Variants in DENND1A observed in about 807,000 individuals in gnomAD.
The protein encoded by DENND1A is DENN domain containing 1A, also known as DENN domain-containing protein 1A.
Under a neutral mutation model 113.7 loss-of-function variants are expected in DENND1A, and 51 were observed. That is an observed-to-expected ratio of 0.45 (90% CI 0.36 to 0.57). The LOEUF is 0.57. Among genes scored for constraint, DENND1A ranks in the 20% least tolerant of loss-of-function variants. DENND1A has a pLI of 0.00. For synonymous variants in DENND1A, 565 were observed against 570.8 expected, an observed-to-expected ratio of 0.99 and a Z score of 0.14; for missense variants, 1,258 against 1,395.9, an observed-to-expected ratio of 0.90 and a Z score of 1.57.
intron 5 of DENND1A, among the ~76,000 whole-genome samples, chr9:123,695,786 A>G (rs746984340): frequency 8.5e-5 from 13 of 152,222 alleles, no homozygotes; most frequent in Non-Finnish European, 1.8e-4. Flanking sequence ...AACCCCGGCC[A>G]ACATGACAGA....
At chr9:123,583,495 G>T (rs193060925) in intron 11 of DENND1A, among the ~76,000 whole-genome samples, 1 of 152,204 alleles carries the variant, frequency 6.6e-6, no homozygotes, top group East Asian at 1.9e-4. Context: ...GAGTGAAAAG[G>T]GTTCACAGAG....
At chr9:123,589,179 T>C (rs1157700244) in intron 11 of DENND1A, among the ~76,000 whole-genome samples, 1 of 152,158 alleles carries the variant, frequency 6.6e-6, no homozygotes, top group Non-Finnish European at 1.5e-5. Flanking sequence ...AGTGCCCTAC[T>C]ACATGGAAAC....
At chr9:123,853,197 C>T (rs1443145105) in intron 2 of DENND1A, among the ~76,000 whole-genome samples, 1 of 151,102 alleles carries the variant, frequency 6.6e-6, no homozygotes, top group Non-Finnish European at 1.5e-5. Flanking sequence ...GGATTACAGG[C>T]ATGAGCCACC....
intron 13 of DENND1A, among the ~76,000 whole-genome samples, chr9:123,521,033 G>T (rs1261861937): frequency 6.6e-6 from 1 of 152,126 alleles, no homozygotes; most frequent in Admixed American, 6.5e-5. Flanking sequence ...TTCAAACACG[G>T]TTCTACCATG....
chr9:123,596,485 T>C (rs747660793), intron 11 of DENND1A, among the ~76,000 whole-genome samples: 5 of 152,196 alleles, frequency 3.3e-5, no homozygotes, highest in Non-Finnish European at 5.9e-5. Context: ...TTATTCACAT[T>C]TTACAGAAGA....
At chr9:123,825,051 A>G (rs370471776) in intron 2 of DENND1A, among the ~76,000 whole-genome samples, 41 of 152,318 alleles carry the variant, frequency 2.7e-4, no homozygotes, top group African/African-American at 8.9e-4. Flanking sequence ...GCAAGTTACC[A>G]TATTTCAGAG....
At chr9:123,712,011 T>C (rs1032462050) in intron 5 of DENND1A, among the ~76,000 whole-genome samples, 3 of 152,220 alleles carry the variant, frequency 2.0e-5, no homozygotes, top group Non-Finnish European at 4.4e-5. Flanking sequence ...AAATGCCTTA[T>C]TCTTGAATGA....
At chr9:123,783,946 A>G (rs1299065431) in intron 3 of DENND1A, among the ~76,000 whole-genome samples, 5 of 152,214 alleles carry the variant, frequency 3.3e-5, no homozygotes, top group Admixed American at 6.5e-5. Flanking sequence ...CCTAAAAGCT[A>G]AGGCTGAAGT....
At chr9:123,792,914 T>C (rs1007224112) in intron 2 of DENND1A, among the ~76,000 whole-genome samples, 1 of 152,230 alleles carries the variant, frequency 6.6e-6, no homozygotes, top group Non-Finnish European at 1.5e-5. Context: ...GCCCTCAATA[T>C]ATTTTTCCAG....
intron 13 of DENND1A, among the ~76,000 whole-genome samples, chr9:123,546,075 A>G (rs978646185): frequency 1.3e-5 from 2 of 152,128 alleles, no homozygotes; most frequent in African/African-American, 4.8e-5. Flanking sequence ...CTAGAAGAGA[A>G]TATTTACTGG....
chr9:123,512,540 G>A (rs901142651), intron 13 of DENND1A, among the ~76,000 whole-genome samples: 19 of 152,184 alleles, frequency 1.2e-4, no homozygotes, highest in African/African-American at 3.4e-4. Flanking sequence ...GTTCCTTCGC[G>A]GCACTTTTCA....
At chr9:123,746,545 C>T (rs898136643) in intron 5 of DENND1A, among the ~76,000 whole-genome samples, 1 of 152,052 alleles carries the variant, frequency 6.6e-6, no homozygotes, top group African/African-American at 2.4e-5. Context: ...CAGTTGAGCA[C>T]CGCTAATTTG....
intron 12 of DENND1A, among the ~76,000 whole-genome samples, chr9:123,569,075 C>A (rs546146238): frequency 7.9e-5 from 12 of 152,010 alleles, no homozygotes; most frequent in Non-Finnish European, 1.6e-4. Flanking sequence ...TACAAACGAA[C>A]GAAAAAGTAG....
chr9:123,571,087 T>C (rs2058332956), intron 12 of DENND1A, among the ~76,000 whole-genome samples: 1 of 152,154 alleles, frequency 6.6e-6, no homozygotes, highest in African/African-American at 2.4e-5. Context: ...ATTTTTTTTT[T>C]TAGGGTAAAA....
chr9:123,454,194 G>T (rs528653657), intron 16 of DENND1A, among the ~76,000 whole-genome samples: 3 of 152,312 alleles, frequency 2.0e-5, no homozygotes, highest in Admixed American at 2.0e-4. Flanking sequence ...CCAGCAGGGT[G>T]CCTGGCACAC....
intron 7 of DENND1A, among the ~76,000 whole-genome samples, chr9:123,670,839 TG>T (rs2063729449): frequency 6.6e-6 from 1 of 152,120 alleles, no homozygotes; most frequent in African/African-American, 2.4e-5. Flanking sequence ...AAATCAGAGT[TG>T]AGTTCTGAAG....
rs769777771 is a variant in DENND1A, at chr9:123,381,659, C to T, written c.2986G>A (p.Glu996Lys). The T allele has an allele frequency of 1.9e-6, 3 of 1,603,458 alleles. No individual in the cohort carries two copies. Among genetic ancestry groups the T allele is most frequent in the South Asian group, 1.1e-5 (1 of 90,218 alleles). ...PLARSSARAA[E>K]TKQGLALRPG... ...CTCAGGGCCAGCCCCTGCTTGGTCT[C>T]AGCAGCCCTGGCACTTGAGCGGGCC... is the stretch of plus-strand genomic sequence containing the variant. Residue 996 changes from glutamate (E) to lysine (K), a missense_variant, in exon 24 of 24, where the codon GAG becomes AAG. Glu to Lys is a moderately conservative substitution (Grantham distance 56). This residue lies in a region of DENND1A where 1,159 missense variants were observed against 1,231.7 expected (regional missense o/e 0.94). Transcript: ENST00000394215. The surrounding 1 kb of genome is among the most constrained non-coding windows in gnomAD (Gnocchi z 4.7).
intron 19 of DENND1A, among the ~76,000 whole-genome samples, chr9:123,417,067 C>T (rs1183717788): frequency 6.6e-6 from 1 of 152,198 alleles, no homozygotes; most frequent in African/African-American, 2.4e-5. Context: ...GCCACTTAGG[C>T]GAGTTATTTA....
chr9:123,577,101 C>T (rs2058675788), intron 12 of DENND1A, among the ~76,000 whole-genome samples: 1 of 152,126 alleles, frequency 6.6e-6, no homozygotes, highest in South Asian at 2.1e-4. Context: ...TTCTGGGACT[C>T]CAGTTGCAAG....
Sources: gnomAD v4.1 joint callset for allele counts (sites outside exome capture counted in the v4.1 genomes callset) on GRCh38, gnomAD v4.1.1 for gene constraint, gnomAD v4.1.1 regional missense constraint, Gnocchi (gnomAD v3.1) non-coding constraint, MANE v1.5 for transcripts, NCBI Gene and HGNC (gene_info 2026-07-23, HGNC 2026-07-21) for gene names.